The following KSR2 variants were observed in gnomAD, a reference collection of about 807,000 sequenced individuals.
KSR2 encodes kinase suppressor of ras 2.
In KSR2, 25 loss-of-function variants were observed where a neutral mutation model predicts 107.8. The ratio of observed to expected loss-of-function variants is 0.23; its 90% CI spans 0.17 to 0.32. The LOEUF is 0.32. KSR2 is among the 10% of genes least tolerant of loss of function. KSR2 has a pLI of 1.00. For missense variants in KSR2, 887 were observed against 1,268.9 expected (o/e 0.70, Z 4.57); for synonymous variants, 480 against 507.0 (o/e 0.95, Z 0.71).
At position 117,918,776 on chromosome 12, in the gene KSR2, G is replaced by A. The variant is rs539618964; in HGVS notation, c.180+49300C>T. On this transcript the variant is annotated intron_variant, in intron 1 of 19. Coordinates refer to ENST00000339824, the MANE Select transcript of KSR2 (RefSeq NM_173598.6). ...GCACTCCAGCCTGGGCAACAAGGGC[G>A]AAACTCCGTCTCAAAAAAAAAAAAA... Among the ~76,000 whole-genome samples the A allele has an allele frequency of 1.2e-3, 167 of 138,804 alleles. 2 individuals are homozygous for A. The Middle Eastern group carries it at 0.034, about 28-fold the overall frequency. 91.1% of individuals were successfully genotyped at this position (138,804 alleles called of 152,430 possible). A position where few individuals can be genotyped will look rare whatever the true frequency, so the allele number is the denominator to read the frequency against.
intron 4 of KSR2, among the ~76,000 whole-genome samples, chr12:117,730,043 G>T (rs1887598023): frequency 6.6e-6 from 1 of 152,178 alleles, no homozygotes; most frequent in Non-Finnish European, 1.5e-5. Flanking sequence ...GGCTCTGTGG[G>T]CCATATGGTA....
At chr12:117,833,583 G>A (rs1021878386) in intron 3 of KSR2, among the ~76,000 whole-genome samples, 5 of 152,138 alleles carry the variant, frequency 3.3e-5, no homozygotes, top group Non-Finnish European at 7.4e-5. Flanking sequence ...GGCTAGTCTT[G>A]AACTTCAGCC....
At chr12:117,731,971 C>T (rs1887739751) in intron 4 of KSR2, among the ~76,000 whole-genome samples, 1 of 148,900 alleles carries the variant, frequency 6.7e-6, no homozygotes, top group Non-Finnish European at 1.5e-5. Context: ...ACCTTCCCTC[C>T]ACTATTGTCC....
At chr12:117,774,807 G>A (rs548640686) in intron 3 of KSR2, among the ~76,000 whole-genome samples, 14 of 151,932 alleles carry the variant, frequency 9.2e-5, no homozygotes, top group South Asian at 8.4e-4. Flanking sequence ...GTCCCCATTC[G>A]CAATCCTTCC....
chr12:117,717,559 G>A (rs1350760800), intron 4 of KSR2, among the ~76,000 whole-genome samples: 1 of 152,028 alleles, frequency 6.6e-6, no homozygotes. Context: ...GGCCCTATAT[G>A]ATTTAGGCTG....
chr12:117,630,402 TG>T, intron 5 of KSR2, among the ~76,000 whole-genome samples: 1 of 152,140 alleles, frequency 6.6e-6, no homozygotes, highest in Non-Finnish European at 1.5e-5. Context: ...TGCACATGTG[TG>T]TGCATGTGTA....
At chr12:117,571,218 T>C (rs1878874354) in intron 7 of KSR2, among the ~76,000 whole-genome samples, 1 of 152,066 alleles carries the variant, frequency 6.6e-6, no homozygotes, top group African/African-American at 2.4e-5. Flanking sequence ...AGATCATGCC[T>C]CTGTACTCCA....
At chr12:117,922,321 A>G (rs1895368924) in intron 1 of KSR2, among the ~76,000 whole-genome samples, 1 of 152,206 alleles carries the variant, frequency 6.6e-6, no homozygotes, top group East Asian at 1.9e-4. Flanking sequence ...GCTCAAGATC[A>G]GCTATCAGGA....
At chr12:117,757,041 T>G (rs1888819982) in intron 4 of KSR2, among the ~76,000 whole-genome samples, 1 of 132,690 alleles carries the variant, frequency 7.5e-6, no homozygotes, top group Non-Finnish European at 1.6e-5. Flanking sequence ...GGTGACAGAG[T>G]GAGACTCCAT....
chr12:117,591,129 A>C (rs1351538777), intron 5 of KSR2, among the ~76,000 whole-genome samples: 2 of 152,176 alleles, frequency 1.3e-5, no homozygotes, highest in African/African-American at 2.4e-5. Flanking sequence ...ATGATAGCCC[A>C]AGACTGTGTT....
chr12:117,768,972 C>T (rs1393504432), intron 3 of KSR2, among the ~76,000 whole-genome samples: 6 of 152,152 alleles, frequency 3.9e-5, no homozygotes, highest in African/African-American at 1.4e-4. Flanking sequence ...TAGCCTGGGT[C>T]ACACAGTGGC....
At chr12:117,887,085 G>T (rs965878670) in intron 1 of KSR2, among the ~76,000 whole-genome samples, 5 of 151,760 alleles carry the variant, frequency 3.3e-5, no homozygotes, top group Non-Finnish European at 5.9e-5. Context: ...TGCCACACCG[G>T]GCTAAATTTT....
At chr12:117,590,632 G>A (rs188342728) in intron 5 of KSR2, among the ~76,000 whole-genome samples, 5 of 152,190 alleles carry the variant, frequency 3.3e-5, no homozygotes, top group Admixed American at 2.6e-4. Context: ...AGCTCTGTAC[G>A]GACTATGACT....
intron 7 of KSR2, 86 bp from the exon 8 acceptor site, chr12:117,558,659 G>T: frequency 1.1e-6 from 1 of 890,140 alleles, no homozygotes; most frequent in South Asian, 1.4e-5. Context: ...GGATGGATGG[G>T]TGGATGGGTG....
At chr12:117,653,760 A>G (rs1267491473) in intron 5 of KSR2, among the ~76,000 whole-genome samples, 1 of 152,182 alleles carries the variant, frequency 6.6e-6, no homozygotes, top group Non-Finnish European at 1.5e-5. Context: ...GCCTATTTGG[A>G]TTTTGGAGGC....
chr12:117,527,166 T>C (rs1348119617), intron 12 of KSR2, 47 bp from the exon 13 acceptor site: 1 of 1,410,718 alleles, frequency 7.1e-7, no homozygotes, highest in Admixed American at 1.7e-5. Flanking sequence ...AAAAGGCAGG[T>C]CTATATATTG....
At chr12:117,828,136 G>A (rs1891824263) in intron 3 of KSR2, among the ~76,000 whole-genome samples, 2 of 152,156 alleles carry the variant, frequency 1.3e-5, no homozygotes, top group South Asian at 4.1e-4. Context: ...AACTCCATGA[G>A]GATGGGACAA....
intron 4 of KSR2, among the ~76,000 whole-genome samples, chr12:117,707,776 C>T (rs1302061600): frequency 6.6e-6 from 1 of 152,150 alleles, no homozygotes; most frequent in Non-Finnish European, 1.5e-5. Context: ...TCTATTTCAA[C>T]TGGTATTCTG....
chr12:117,855,280 C>T, intron 3 of KSR2, 148 bp downstream of exon 3: 1 of 989,476 alleles, frequency 1.0e-6, no homozygotes, highest in Non-Finnish European at 1.5e-6. Flanking sequence ...ATCCCAGGTC[C>T]ACGCTGCCTC....
Sources: allele counts gnomAD v4.1 joint callset (sites outside exome capture counted in the v4.1 genomes callset), GRCh38; gene constraint gnomAD v4.1.1; transcripts MANE v1.5; gene names NCBI Gene and HGNC (gene_info 2026-07-23, HGNC 2026-07-21).